Variants in MYL12A observed in about 807,000 individuals in gnomAD.
MYL12A encodes myosin regulatory light chain 12A.
A neutral mutation model predicts 13.3 loss-of-function variants in MYL12A; 11 were observed. The observed-to-expected ratio is 0.83, with a 90% CI of 0.52 to 1.37. MYL12A has a LOEUF of 1.37. Ranked by LOEUF, MYL12A falls within the 40% of genes most tolerant of loss-of-function variation. MYL12A has a pLI of 0.00. For synonymous variants in MYL12A, 51 were observed against 69.9 expected, an observed-to-expected ratio of 0.73 and a Z score of 1.35; for missense variants, 146 against 212.3, an observed-to-expected ratio of 0.69 and a Z score of 1.94.
At chr18:3,254,809 G>T (rs749067236) in intron 3 of MYL12A, among the ~76,000 whole-genome samples, 8 of 152,242 alleles carry the variant, frequency 5.3e-5, no homozygotes, top group Non-Finnish European at 1.2e-4. Flanking sequence ...TCAACATGGC[G>T]TAGCCAAGTG....
chr18:3,252,339 T>G, intron 1 of MYL12A: 2 of 1,533,278 alleles, frequency 1.3e-6, no homozygotes, highest in African/African-American at 1.4e-5. Flanking sequence ...TGGTAGAATT[T>G]TATTGTCTGA....
In MYL12A at chr18:3,253,257, A is replaced by AAAAGAAC. The variant is rs2081504620; in HGVS notation, c.16_22dup (p.Thr8AsnfsTer21). ...GGACTTAACCACCACCATGTCGAGC[A>AAAAGAAC]AAAGAACAAAGACCAAGACCAAGAA... On this transcript the variant is annotated frameshift_variant, in exon 2 of 4. Coordinates refer to ENST00000217652, the MANE Select transcript of MYL12A (RefSeq NM_006471.4). LOFTEE classifies it high-confidence loss of function. 1 of 1,613,192 alleles carries AAAAGAAC rather than the reference A, an allele frequency of 6.2e-7. No homozygotes were observed. The highest frequency in any genetic ancestry group is 1.3e-5 in the African/African-American group (1 of 74,912).
chr18:3,253,685 A>T, intron 2 of MYL12A: 1 of 686,178 alleles, frequency 1.5e-6, no homozygotes, highest in Non-Finnish European at 2.4e-6. Flanking sequence ...TCCTTCTGAC[A>T]TTCCAATGGA....
chr18:3,251,318 A>G (rs978310062), intron 1 of MYL12A, among the ~76,000 whole-genome samples: 1 of 148,484 alleles, frequency 6.7e-6, no homozygotes, highest in Non-Finnish European at 1.5e-5. Flanking sequence ...ATTTAGTTAT[A>G]TGAGATTTTA....
intron 1 of MYL12A, chr18:3,248,352 G>C (rs550170330): frequency 6.6e-6 from 1 of 152,204 alleles, no homozygotes; most frequent in African/African-American, 2.4e-5. Flanking sequence ...CTCAGTATCC[G>C]CTCCTGTAAT....
At chr18:3,252,137 T>C (rs960651226) in intron 1 of MYL12A, 8 of 479,468 alleles carry the variant, frequency 1.7e-5, no homozygotes, top group Non-Finnish European at 2.2e-5. Context: ...ACCAATGGCA[T>C]AGTGTTTTGC....
chr18:3,250,217 A>T (rs2081471536), intron 1 of MYL12A, among the ~76,000 whole-genome samples: 1 of 152,360 alleles, frequency 6.6e-6, no homozygotes, highest in Middle Eastern at 3.4e-3. Flanking sequence ...CTTAAAGTAT[A>T]ATAATAAAGC....
chr18:3,248,008 A>C (rs377012751), intron 1 of MYL12A, 99 bp downstream of exon 1: 1 of 152,260 alleles, frequency 6.6e-6, no homozygotes, highest in East Asian at 1.9e-4. Flanking sequence ...CCGGTAGCGC[A>C]CCTGGGCAGG....
At position 3,252,437 on chromosome 18, in the gene MYL12A, G is replaced by A; in HGVS notation, c.-15-796G>A. Reference sequence around the variant, plus strand: ...TGCCTTTTTATTTTAGGTATTATTAGACATTCTTTTTAATTTTAACTTAAA... The same window carrying A: ...TGCCTTTTTATTTTAGGTATTATTAAACATTCTTTTTAATTTTAACTTAAA... On this transcript the variant is annotated intron_variant, in intron 1 of 3. Transcript: ENST00000217652. The A allele has an allele frequency of 3.0e-6, 4 of 1,331,344 alleles. No individual in the cohort carries two copies. In the South Asian group the frequency reaches 4.9e-5, roughly 16 times the overall value. The allele number at this position is 1,331,344 out of a possible 1,614,324, so 82.5% of individuals were successfully genotyped here. A position where few individuals can be genotyped will look rare whatever the true frequency, so the allele number is the denominator to read the frequency against.
In MYL12A at chr18:3,255,801, T is replaced by C. The variant is rs568437550; in HGVS notation, c.399T>C (p.Phe133=). ...TGCTGACAACCATGGGGGATCGGTT[T>C]ACAGATGAGGAAGTGGATGAGCTGT... ...RELLTTMGDR[F]TDEEVDELYR... Residue 133 remains phenylalanine (F), a synonymous_variant, in exon 4 of 4, where the codon TTT becomes TTC. Transcript: ENST00000217652. 1 of 1,614,160 alleles carries C rather than the reference T, an allele frequency of 6.2e-7. No homozygotes were observed. The highest frequency in any genetic ancestry group is 1.1e-5 in the South Asian group (1 of 91,070).
chr18:3,250,209 T>TAC (rs1567983107), intron 1 of MYL12A, among the ~76,000 whole-genome samples: 1 of 152,208 alleles, frequency 6.6e-6, no homozygotes, highest in East Asian at 1.9e-4. Context: ...CCCTAAAACT[T>TAC]AAAGTATAAT....
intron 1 of MYL12A, 102 bp downstream of exon 1, chr18:3,248,011 TG>T (rs2081447179): frequency 6.6e-6 from 1 of 152,246 alleles, no homozygotes; most frequent in African/African-American, 2.4e-5. Flanking sequence ...GTAGCGCACC[TG>T]GGCAGGTGTG....
chr18:3,255,157 G>C (rs554915213), intron 3 of MYL12A, among the ~76,000 whole-genome samples: 5 of 152,276 alleles, frequency 3.3e-5, no homozygotes, highest in African/African-American at 9.6e-5. Context: ...CCATGTTTTT[G>C]CATGTGCTGG....
At chr18:3,253,516 G>A (rs931032667) in intron 2 of MYL12A, 88 bp downstream of exon 2, 3 of 1,475,876 alleles carry the variant, frequency 2.0e-6, no homozygotes, top group Admixed American at 3.8e-5. Flanking sequence ...GCTCTGTAAA[G>A]CCTGTCTAAT....
intron 1 of MYL12A, among the ~76,000 whole-genome samples, chr18:3,251,141 CAA>C (rs5822748): frequency 9.3e-4 from 102 of 110,198 alleles, no homozygotes; most frequent in African/African-American, 2.1e-3. Context: ...AGTGCTGACC[CAA>C]AAAAAAAAAA....
rs764447118 is a variant in MYL12A, at chr18:3,253,906, G to A, written c.199G>A (p.Glu67Lys). 1.9e-6 allele frequency: 3 copies of A among 1,604,416 alleles called. No homozygotes were observed. In the East Asian group the frequency reaches 6.7e-5, roughly 36 times the overall value. ...AAATTTAGGGAAGAATCCAACTGAT[G>A]AGTATCTAGATGCCATGATGAATGA... ...LASLGKNPTD[E>K]YLDAMMNEAP... The change falls in exon 3 of 4, where the codon GAG (glutamate) becomes AAG (lysine). Residue 67 changes from glutamate to lysine, a missense_variant. Physicochemically the swap from Glu to Lys is moderately conservative, Grantham distance 56. Transcript: ENST00000217652.
At chr18:3,252,042 A>G (rs1366264062) in intron 1 of MYL12A, among the ~76,000 whole-genome samples, 7 of 152,276 alleles carry the variant, frequency 4.6e-5, no homozygotes, top group South Asian at 4.1e-4. Context: ...TTTTAAACAC[A>G]TCGGAAACAC....
At chr18:3,252,421 AT>A in intron 1 of MYL12A, 1 of 1,399,154 alleles carries the variant, frequency 7.1e-7, no homozygotes, top group South Asian at 1.4e-5. Context: ...TTGCCTTTTT[AT>A]TTTAGGTATT....
At chr18:3,253,128 T>A in intron 1 of MYL12A, 105 bp from the exon 2 acceptor site, 1 of 1,246,084 alleles carries the variant, frequency 8.0e-7, no homozygotes, top group Non-Finnish European at 1.1e-6. Context: ...CTCAAACATA[T>A]CAGGAAAGTT....
Sources: allele counts gnomAD v4.1 joint callset (sites outside exome capture counted in the v4.1 genomes callset), GRCh38; gene constraint gnomAD v4.1.1; transcripts MANE v1.5; gene names NCBI Gene and HGNC (gene_info 2026-07-23, HGNC 2026-07-21).